Variants in BAALC observed in about 807,000 individuals in gnomAD.
BAALC encodes brain and acute leukemia cytoplasmic protein.
BAALC carries 9 observed loss-of-function variants against 15.5 expected under a neutral mutation model. The ratio of observed to expected loss-of-function variants is 0.58; its 90% CI spans 0.35 to 1.02. The LOEUF is 1.02. Among genes scored for constraint, BAALC ranks in the 50% least tolerant of loss-of-function variants. The pLI is 0.02. For synonymous variants in BAALC, 80 were observed against 74.6 expected, an observed-to-expected ratio of 1.07 and a Z score of -0.37; for missense variants, 201 against 192.4, an observed-to-expected ratio of 1.04 and a Z score of -0.27.
At chr8:103,198,363 A>G (rs1020750857) in intron 1 of BAALC, among the ~76,000 whole-genome samples, 1 of 152,182 alleles carries the variant, frequency 6.6e-6, no homozygotes, top group Non-Finnish European at 1.5e-5. Flanking sequence ...AAAAGACAAA[A>G]TGTGACATGG....
intron 1 of BAALC, among the ~76,000 whole-genome samples, chr8:103,192,144 C>T (rs1056848025): frequency 6.6e-6 from 1 of 152,150 alleles, no homozygotes; most frequent in Non-Finnish European, 1.5e-5. Context: ...CTCTGCCTCC[C>T]GGGTTCAAGC....
At chr8:103,172,085 A>C (rs553841288) in intron 1 of BAALC, 1 of 151,822 alleles carries the variant, frequency 6.6e-6, no homozygotes, top group Non-Finnish European at 1.5e-5. Context: ...TGTCCCCTAA[A>C]CTGTCTCTTT....
At chr8:103,141,762 A>C (rs1318682705) in intron 1 of BAALC, among the ~76,000 whole-genome samples, 2 of 152,202 alleles carry the variant, frequency 1.3e-5, no homozygotes, top group Non-Finnish European at 2.9e-5. Context: ...CAGGGCACAC[A>C]TGTGGATTTT....
chr8:103,141,643 G>C (rs374657892), intron 1 of BAALC, among the ~76,000 whole-genome samples: 5 of 152,326 alleles, frequency 3.3e-5, no homozygotes, highest in African/African-American at 1.2e-4. Context: ...CAAAATAAAT[G>C]CACCCCGCCC....
intron 1 of BAALC, among the ~76,000 whole-genome samples, chr8:103,209,466 G>A (rs1586432991): frequency 6.6e-6 from 1 of 152,254 alleles, no homozygotes; most frequent in East Asian, 1.9e-4. Flanking sequence ...CAGCCCCAAG[G>A]GCTGAAGGCA....
At chr8:103,220,509 G>A (rs900970781) in intron 2 of BAALC, among the ~76,000 whole-genome samples, 3 of 152,028 alleles carry the variant, frequency 2.0e-5, no homozygotes, top group Non-Finnish European at 2.9e-5. Flanking sequence ...TCTATTATGC[G>A]ACAGGCACTA....
At chr8:103,149,354 A>T (rs1473095002) in intron 1 of BAALC, among the ~76,000 whole-genome samples, 1 of 152,230 alleles carries the variant, frequency 6.6e-6, no homozygotes, top group African/African-American at 2.4e-5. Context: ...GAGGTGCCCC[A>T]GGTGTCACCT....
chr8:103,208,394 T>C (rs975816436), intron 1 of BAALC: 5 of 152,224 alleles, frequency 3.3e-5, no homozygotes, highest in Non-Finnish European at 5.9e-5. Context: ...TTTTAAACTG[T>C]GTTTCTAGCA....
intron 2 of BAALC, among the ~76,000 whole-genome samples, chr8:103,223,835 T>G (rs950378338): frequency 4.6e-5 from 7 of 152,200 alleles, no homozygotes; most frequent in Non-Finnish European, 1.0e-4. Flanking sequence ...GAAAAGCACT[T>G]CTGCAGTTTG....
At chr8:103,160,995 C>A (rs1811212238) in intron 1 of BAALC, among the ~76,000 whole-genome samples, 1 of 152,174 alleles carries the variant, frequency 6.6e-6, no homozygotes, top group Non-Finnish European at 1.5e-5. Flanking sequence ...ATCCTTCAAT[C>A]CAATCAAGTT....
intron 1 of BAALC, among the ~76,000 whole-genome samples, chr8:103,155,620 C>T (rs1233692149): frequency 6.6e-6 from 1 of 152,252 alleles, no homozygotes; most frequent in Admixed American, 6.5e-5. Context: ...GGCTAACTCT[C>T]CTAGCAGCTG....
intron 1 of BAALC, among the ~76,000 whole-genome samples, chr8:103,171,283 A>G (rs180687241): frequency 0.065 from 9,395 of 144,828 alleles, 615 homozygotes; most frequent in African/African-American, 0.17. Flanking sequence ...AAAAGAAAGA[A>G]AGAGAGAAGG....
chr8:103,219,116 A>G (rs1451836796), intron 2 of BAALC, among the ~76,000 whole-genome samples: 1 of 152,210 alleles, frequency 6.6e-6, no homozygotes, highest in Admixed American at 6.5e-5. Context: ...GGAAAAAGGA[A>G]GGAATTTAGC....
At chr8:103,142,183 G>A (rs1810792426) in intron 1 of BAALC, among the ~76,000 whole-genome samples, 1 of 152,200 alleles carries the variant, frequency 6.6e-6, no homozygotes, top group South Asian at 2.1e-4. Context: ...ACTTTTACAA[G>A]GTTAAGAATC....
chr8:103,223,459 T>C (rs747662898), intron 2 of BAALC, among the ~76,000 whole-genome samples: 4 of 152,214 alleles, frequency 2.6e-5, no homozygotes, highest in African/African-American at 7.2e-5. Context: ...TTTCAGATAA[T>C]AGAACTGAGT....
chr8:103,142,202 A>T (rs1053586086), intron 1 of BAALC, among the ~76,000 whole-genome samples: 3 of 152,268 alleles, frequency 2.0e-5, no homozygotes, highest in African/African-American at 7.2e-5. Context: ...TCTTAAATCC[A>T]TGCCTACTAA....
intron 2 of BAALC, among the ~76,000 whole-genome samples, chr8:103,222,985 GT>G (rs1401057580): frequency 6.6e-6 from 1 of 152,174 alleles, no homozygotes; most frequent in African/African-American, 2.4e-5. Flanking sequence ...GCCTGAGTAG[GT>G]TTCTGGGATG....
intron 1 of BAALC, chr8:103,198,134 C>T: frequency 1.4e-6 from 1 of 702,196 alleles, no homozygotes. Flanking sequence ...GACTGCCCTA[C>T]AGAAAGTTGG....
chr8:103,149,088 T>C (rs1345640661), intron 1 of BAALC, among the ~76,000 whole-genome samples: 1 of 152,198 alleles, frequency 6.6e-6, no homozygotes. Flanking sequence ...GTGGGAGAGC[T>C]AGGATCAGAA....
Sources: allele counts gnomAD v4.1 joint callset (sites outside exome capture counted in the v4.1 genomes callset), GRCh38; gene constraint gnomAD v4.1.1; transcripts MANE v1.5; gene names NCBI Gene and HGNC (gene_info 2026-07-23, HGNC 2026-07-21).